The following FSTL5 variants were observed in gnomAD, a reference collection of about 807,000 sequenced individuals.
The protein encoded by FSTL5 is follistatin like 5, also known as follistatin-related protein 5.
A neutral mutation model predicts 89.1 loss-of-function variants in FSTL5; 62 were observed. The observed-to-expected ratio is 0.70, with a 90% CI of 0.57 to 0.86. FSTL5 has a LOEUF of 0.86. Ranked by LOEUF, FSTL5 falls within the 40% of genes least tolerant of loss-of-function variation. The pLI, the probability that FSTL5 is intolerant of heterozygous loss-of-function variation, is 0.00. For missense variants in FSTL5, 1,057 were observed against 1,001.6 expected (o/e 1.06, Z -0.75); for synonymous variants, 383 against 346.2 (o/e 1.11, Z -1.18).
intron 3 of FSTL5, among the ~76,000 whole-genome samples, chr4:161,926,289 T>C (rs1453869380): frequency 6.6e-6 from 1 of 151,884 alleles, no homozygotes; most frequent in Non-Finnish European, 1.5e-5. Flanking sequence ...TTTTCAACGG[T>C]CACATAATCT....
chr4:161,784,238 TTA>T (rs1442917270), intron 4 of FSTL5, among the ~76,000 whole-genome samples: 2 of 152,092 alleles, frequency 1.3e-5, no homozygotes, highest in African/African-American at 4.8e-5. Flanking sequence ...GCCTTGCCAA[TTA>T]TGTCTTATAT....
chr4:161,615,485 C>G (rs540431981), intron 7 of FSTL5, among the ~76,000 whole-genome samples: 1 of 150,394 alleles, frequency 6.6e-6, no homozygotes, highest in Non-Finnish European at 1.5e-5. Context: ...AAATACAGGC[C>G]TTCTAAATAA....
intron 4 of FSTL5, among the ~76,000 whole-genome samples, chr4:161,901,984 C>A (rs1733379872): frequency 6.6e-6 from 1 of 152,018 alleles, no homozygotes; most frequent in Admixed American, 6.6e-5. Flanking sequence ...AAAATTAAAG[C>A]CAAATAAAGA....
intron 3 of FSTL5, among the ~76,000 whole-genome samples, chr4:161,988,397 G>A (rs567024457): frequency 7.4e-4 from 113 of 152,202 alleles, no homozygotes; most frequent in African/African-American, 1.9e-3. Flanking sequence ...AGGAGAATAC[G>A]TGTAAAAGAA....
chr4:161,888,544 A>G (rs1242797659), intron 4 of FSTL5, among the ~76,000 whole-genome samples: 1 of 152,188 alleles, frequency 6.6e-6, no homozygotes, highest in Non-Finnish European at 1.5e-5. Context: ...TTATTTTGCA[A>G]TTGTACCCTT....
chr4:161,531,647 T>A (rs1462386251), intron 10 of FSTL5, among the ~76,000 whole-genome samples: 1 of 152,182 alleles, frequency 6.6e-6, no homozygotes, highest in African/African-American at 2.4e-5. Flanking sequence ...GAAAAAGATT[T>A]TGAAATTTAT....
At chr4:161,584,246 C>A (rs751539150) in intron 8 of FSTL5, among the ~76,000 whole-genome samples, 1 of 152,138 alleles carries the variant, frequency 6.6e-6, no homozygotes, top group Non-Finnish European at 1.5e-5. Flanking sequence ...TTATTCATTT[C>A]CCTGAAGAAA....
At chr4:161,712,088 A>G (rs754181597) in intron 6 of FSTL5, among the ~76,000 whole-genome samples, 1 of 152,070 alleles carries the variant, frequency 6.6e-6, no homozygotes, top group African/African-American at 2.4e-5. Context: ...GTTTGTTACT[A>G]CCTCTCTTCC....
intron 1 of FSTL5, among the ~76,000 whole-genome samples, chr4:162,150,850 C>T (rs1007931940): frequency 6.6e-6 from 1 of 152,116 alleles, no homozygotes; most frequent in East Asian, 1.9e-4. Flanking sequence ...TTCAAATATA[C>T]GTTTCAAAAG....
intron 10 of FSTL5, among the ~76,000 whole-genome samples, chr4:161,528,567 A>G (rs1266783022): frequency 7.0e-6 from 1 of 142,800 alleles, no homozygotes; most frequent in Non-Finnish European, 1.5e-5. Flanking sequence ...CATAAATTAG[A>G]CTTCACAAAA....
At chr4:161,947,129 G>GGTGTGTGT (rs1022339671) in intron 3 of FSTL5, among the ~76,000 whole-genome samples, 1 of 133,400 alleles carries the variant, frequency 7.5e-6, no homozygotes, top group South Asian at 2.3e-4. Flanking sequence ...ATATTTGTGG[G>GGTGTGTGT]GTGTGTGTGT....
At chr4:161,748,825 G>A (rs950280569) in intron 6 of FSTL5, among the ~76,000 whole-genome samples, 5 of 151,878 alleles carry the variant, frequency 3.3e-5, no homozygotes, top group Non-Finnish European at 7.4e-5. Context: ...AAACACTTAT[G>A]TATGGTGGCA....
chr4:161,488,858 A>C (rs1449330970), intron 12 of FSTL5, among the ~76,000 whole-genome samples: 1 of 152,066 alleles, frequency 6.6e-6, no homozygotes, highest in Non-Finnish European at 1.5e-5. Context: ...AGATTCAGAG[A>C]GCTACTTTAA....
intron 3 of FSTL5, among the ~76,000 whole-genome samples, chr4:162,011,023 T>C (rs1362886774): frequency 6.6e-6 from 1 of 152,218 alleles, no homozygotes; most frequent in East Asian, 1.9e-4. Context: ...GAATTCTGTG[T>C]ATCAAAATAA....
intron 3 of FSTL5, among the ~76,000 whole-genome samples, chr4:162,010,308 C>T (rs1169681503): frequency 9.9e-5 from 15 of 152,124 alleles, no homozygotes; most frequent in Admixed American, 2.0e-4. Context: ...ATAAAAAGCA[C>T]GCTCACTTAA....
rs77495279 is a variant in FSTL5, at chr4:161,807,335, G to A, written c.410-31261C>T. Among the ~76,000 whole-genome samples the A allele has an allele frequency of 2.9e-3, 448 of 152,036 alleles. 15 individuals carry two copies. The East Asian group carries it at 0.083, about 28-fold the overall frequency. The stretch of plus-strand genomic sequence containing the variant: ...TCTGCCTCAACCTCTCAAACTCCTG[G>A]CATTATAAGCATGAGCCATGGTTCC... On this transcript the variant is annotated intron_variant, in intron 4 of 15. Transcript: ENST00000306100.
At chr4:161,641,692 G>A (rs532018687) in intron 7 of FSTL5, among the ~76,000 whole-genome samples, 5 of 151,874 alleles carry the variant, frequency 3.3e-5, no homozygotes, top group South Asian at 2.1e-4. Flanking sequence ...TGGTTTCACC[G>A]TGTTAGCCAG....
At chr4:161,415,026 T>C (rs1314029680) in intron 15 of FSTL5, among the ~76,000 whole-genome samples, 3 of 152,220 alleles carry the variant, frequency 2.0e-5, no homozygotes. Context: ...TGAAATCTGA[T>C]ATATTGTAGG....
intron 1 of FSTL5, among the ~76,000 whole-genome samples, chr4:162,118,306 G>A (rs1579042330): frequency 6.6e-6 from 1 of 151,976 alleles, no homozygotes; most frequent in South Asian, 2.1e-4. Flanking sequence ...TGTCGCCCAG[G>A]CTGGAGTGCA....
Sources: allele counts gnomAD v4.1 joint callset (sites outside exome capture counted in the v4.1 genomes callset), GRCh38; gene constraint gnomAD v4.1.1; transcripts MANE v1.5; gene names NCBI Gene and HGNC (gene_info 2026-07-23, HGNC 2026-07-21).